The following LETMD1 variants were observed in gnomAD, a reference collection of about 807,000 sequenced individuals.
The protein encoded by LETMD1 is LETM1 domain containing 1.
A neutral mutation model predicts 43.9 loss-of-function variants in LETMD1; 30 were observed. That is an observed-to-expected ratio of 0.68 (90% confidence interval 0.51 to 0.93). The LOEUF (loss-of-function observed/expected upper bound fraction) is 0.93, where lower values mean the gene tolerates loss of function less well. Among genes scored for constraint, LETMD1 ranks in the 40% least tolerant of loss-of-function variants. The pLI is 0.00. For synonymous variants in LETMD1, 176 were observed against 163.1 expected (o/e 1.08, Z -0.60); for missense variants, 413 against 447.7 (o/e 0.92, Z 0.70).
At chr12:51,060,901 C>CAA (rs35850463), downstream of LETMD1, among the ~76,000 whole-genome samples, 1,953 of 65,248 alleles carry the variant, frequency 0.03, 97 homozygotes, top group African/African-American at 0.098. Flanking sequence ...GATTCTGTCT[C>CAA]AAAAAAAAAA....
chr12:51,056,061 T>C lies in LETMD1; in HGVS notation c.660+40T>C, dbSNP rs370940813. On this transcript the variant is annotated intron_variant, in intron 5 of 8. Coordinates refer to ENST00000262055, the MANE Select transcript of LETMD1 (RefSeq NM_015416.5). ...AACCCTTCCTACAAATGTGGAATCTTGTTAGATTCAGTGTGCACTAAACTA... is the reference window on the plus strand; with the variant it reads ...AACCCTTCCTACAAATGTGGAATCTCGTTAGATTCAGTGTGCACTAAACTA... The C allele has an allele frequency of 2.5e-6, 4 of 1,607,094 alleles. No homozygotes were observed. In the South Asian group the frequency reaches 4.4e-5, roughly 18 times the overall value.
chr12:51,049,341 A>C (rs1243245183), intron 2 of LETMD1, 156 bp downstream of exon 2: 2 of 581,322 alleles, frequency 3.4e-6, no homozygotes, highest in East Asian at 2.9e-5. Context: ...ATTCCTATAA[A>C]TTAGCACTTC....
chr12:51,057,884 C>G (rs1444298378), intron 7 of LETMD1, 148 bp from the exon 8 acceptor site: 2 of 705,678 alleles, frequency 2.8e-6, no homozygotes, highest in Non-Finnish European at 5.1e-6. Flanking sequence ...CTCGGCCTCC[C>G]AAAGTGCTGG....
At chr12:51,068,818 C>T in the LETMD1 span, among the ~76,000 whole-genome samples, 3 of 152,236 alleles carry the variant, frequency 2.0e-5, no homozygotes, top group Admixed American at 2.0e-4. Context: ...TAGTAAAAGG[C>T]TACCAGGTCT....
At chr12:51,064,736 T>C (rs1239088988), downstream of LETMD1, 2 of 1,374,768 alleles carry the variant, frequency 1.5e-6, no homozygotes, top group South Asian at 1.9e-5. Flanking sequence ...ACAGGAGACA[T>C]GAGCTGGCAA....
At chr12:51,050,332 C>T (rs1047183109) in intron 2 of LETMD1, among the ~76,000 whole-genome samples, 2 of 151,378 alleles carry the variant, frequency 1.3e-5, no homozygotes, top group Non-Finnish European at 2.9e-5. Flanking sequence ...AAGCAATTCT[C>T]CTGCCTTAGC....
chr12:51,065,351 C>T (rs897422484), downstream of LETMD1, among the ~76,000 whole-genome samples: 1 of 152,102 alleles, frequency 6.6e-6, no homozygotes, highest in African/African-American at 2.4e-5. Flanking sequence ...CTTTCTACCT[C>T]CTTATCACTT....
At chr12:51,049,359 T>C in intron 2 of LETMD1, 174 bp downstream of exon 2, 1 of 550,554 alleles carries the variant, frequency 1.8e-6, no homozygotes, top group Non-Finnish European at 3.1e-6. Context: ...TTCTTGAGAA[T>C]GTTTCTAGAA....
At chr12:51,049,281 G>A in intron 2 of LETMD1, 96 bp downstream of exon 2, 1 of 1,066,324 alleles carries the variant, frequency 9.4e-7, no homozygotes, top group Non-Finnish European at 1.4e-6. Context: ...CTGCTATGGG[G>A]ATGTGAGCCG....
At chr12:51,052,997 A>T (rs1453991338) in intron 3 of LETMD1, among the ~76,000 whole-genome samples, 1 of 151,520 alleles carries the variant, frequency 6.6e-6, no homozygotes, top group Non-Finnish European at 1.5e-5. Context: ...TCCTAGTCCC[A>T]GCTACTCGGG....
chr12:51,063,864 G>A (rs201394453), downstream of LETMD1: 34 of 1,614,116 alleles, frequency 2.1e-5, no homozygotes, highest in South Asian at 1.9e-4. Context: ...GAGGCTTGAG[G>A]GGGACCAGGA....
At chr12:51,066,269 A>G in the LETMD1 span, among the ~76,000 whole-genome samples, 31 of 152,156 alleles carry the variant, frequency 2.0e-4, no homozygotes, top group Admixed American at 2.6e-4. Context: ...CCTGGCCTAC[A>G]TGGTGAAACG....
downstream of LETMD1, chr12:51,063,577 G>A (rs1048259528): frequency 5.3e-6 from 3 of 566,616 alleles, no homozygotes; most frequent in African/African-American, 1.9e-5. Context: ...CCTTGGTACT[G>A]TTTCCCTTTT....
chr12:51,057,957 T>C (rs1948200465), intron 7 of LETMD1, 75 bp from the exon 8 acceptor site: 2 of 1,006,664 alleles, frequency 2.0e-6, no homozygotes, highest in Non-Finnish European at 3.2e-6. Flanking sequence ...GATTTAGGAT[T>C]GTTTGTGGAT....
At position 51,057,720 on chromosome 12, in the gene LETMD1, G is replaced by A. The variant is rs1267387924; in HGVS notation, c.916-312G>A. Reference sequence around the variant, plus strand: ...GGCTCACTGCAACCTCCGCCTCCCAGGTTCCAGTGATTCTCCTGCCTCAGC... The same window carrying A: ...GGCTCACTGCAACCTCCGCCTCCCAAGTTCCAGTGATTCTCCTGCCTCAGC... On this transcript the variant is annotated intron_variant, in intron 7 of 8. Transcript: ENST00000262055. 8.3e-6 allele frequency: 3 copies of A among 363,106 alleles called. No homozygotes were observed. In the East Asian group the frequency reaches 2.0e-4, roughly 24 times the overall value. The allele number at this position is 363,106 out of a possible 1,614,324, so 22.5% of individuals were successfully genotyped here. A position where few individuals can be genotyped will look rare whatever the true frequency, so the allele number is the denominator to read the frequency against.
downstream of LETMD1, among the ~76,000 whole-genome samples, chr12:51,060,641 G>A (rs1314259318): frequency 1.3e-5 from 2 of 152,270 alleles, no homozygotes; most frequent in South Asian, 2.1e-4. Context: ...GGCGGCTCAC[G>A]CCTGTAATCC....
chr12:51,066,640 CA>C, the LETMD1 span, among the ~76,000 whole-genome samples: 13 of 145,328 alleles, frequency 8.9e-5, no homozygotes, highest in African/African-American at 1.5e-4. Flanking sequence ...GACTCCGTCT[CA>C]AAAAAAAAAA....
At chr12:51,052,050 CT>C (rs1946324263) in intron 2 of LETMD1, 41 bp from the exon 3 acceptor site, 1 of 1,566,618 alleles carries the variant, frequency 6.4e-7, no homozygotes, top group Admixed American at 1.8e-5. Flanking sequence ...AAGATTTAAA[CT>C]GGGATAACAT....
At position 51,056,409 on chromosome 12, in the gene LETMD1, T is replaced by C; in HGVS notation, c.822T>C (p.His274=). 6.2e-7 allele frequency: 1 copy of C among 1,614,214 alleles called. No individual in the cohort carries two copies. The change falls in exon 7 of 9, where the codon CAT becomes CAC. Residue 274 remains histidine, a synonymous_variant. Coordinates refer to ENST00000262055, the MANE Select transcript of LETMD1 (RefSeq NM_015416.5). ...TSYLPPPLLR[H]RLKTHTTVIH... is the part of the protein sequence containing the mutation. ...ACCTGCCTCCTCCCTTGTTGAGACA[T>C]CGTTTGAAGACTCATACAACTGTGA...
Sources: allele counts gnomAD v4.1 joint callset (sites outside exome capture counted in the v4.1 genomes callset), GRCh38; gene constraint gnomAD v4.1.1; transcripts MANE v1.5; gene names NCBI Gene and HGNC (gene_info 2026-07-23, HGNC 2026-07-21).